The following PRKCH variants were observed in gnomAD, a reference collection of about 807,000 sequenced individuals.
The protein encoded by PRKCH is protein kinase C eta.
A neutral mutation model predicts 82.5 loss-of-function variants in PRKCH; 28 were observed. The observed-to-expected ratio is 0.34, with a 90% confidence interval of 0.25 to 0.47. The LOEUF (loss-of-function observed/expected upper bound fraction) is 0.47. PRKCH is among the 20% of genes least tolerant of loss of function. PRKCH has a pLI of 1.00. For synonymous variants in PRKCH, 322 were observed against 327.4 expected (o/e 0.98, Z 0.18); for missense variants, 705 against 881.8 (o/e 0.80, Z 2.54).
intron 2 of PRKCH, among the ~76,000 whole-genome samples, chr14:61,404,967 A>G (rs1007267818): frequency 6.6e-6 from 1 of 152,070 alleles, no homozygotes; most frequent in African/African-American, 2.4e-5. Flanking sequence ...TACCCTTGTC[A>G]CTTAAGTGAT....
intron 12 of PRKCH, among the ~76,000 whole-genome samples, chr14:61,546,140 T>C (rs986148791): frequency 2.0e-5 from 3 of 152,250 alleles, no homozygotes; most frequent in Non-Finnish European, 4.4e-5. Flanking sequence ...TTCTTTTTTG[T>C]AAGCATTTTC....
chr14:61,210,116 A>ATT, intron 1 of PRKCH, among the ~76,000 whole-genome samples: 1 of 13,560 alleles, frequency 7.4e-5, no homozygotes, highest in Non-Finnish European at 1.2e-4. Flanking sequence ...AAACAAATAT[A>ATT]TATATATATA....
At position 61,529,195 on chromosome 14, in the gene PRKCH, A is replaced by G. The variant is rs1399822781; in HGVS notation, c.1554A>G (p.Pro518=). The part of the protein sequence containing the change: ...GVTTATFCGT[P]DYIAPEILQE... The stretch of plus-strand genomic sequence containing the variant: ...CCACGGCCACATTCTGTGGCACGCC[A>G]GACTATATCGCTCCAGAGGTGAGTG... The change falls in exon 11 of 14, where the codon CCA becomes CCG. Residue 518 remains proline, a synonymous_variant. Coordinates refer to ENST00000332981, the MANE Select transcript of PRKCH (RefSeq NM_006255.5). The G allele has an allele frequency of 6.2e-7, 1 of 1,613,560 alleles. No homozygotes were observed. The highest frequency in any genetic ancestry group is 1.7e-5 in the Admixed American group (1 of 59,968).
chr14:61,520,478 G>A (rs1037736768), intron 10 of PRKCH, among the ~76,000 whole-genome samples: 1 of 151,910 alleles, frequency 6.6e-6, no homozygotes, highest in Non-Finnish European at 1.5e-5. Flanking sequence ...CTTCAACCAG[G>A]CGATAATATT....
intron 2 of PRKCH, among the ~76,000 whole-genome samples, chr14:61,420,685 C>T (rs1882791288): frequency 6.6e-6 from 1 of 152,218 alleles, no homozygotes; most frequent in African/African-American, 2.4e-5. Flanking sequence ...ATGACCACTA[C>T]AGTTAGCCTT....
At chr14:61,489,708 C>T (rs941485166) in intron 10 of PRKCH, among the ~76,000 whole-genome samples, 2 of 152,218 alleles carry the variant, frequency 1.3e-5, no homozygotes, top group African/African-American at 2.4e-5. Context: ...TCCTGGGCTT[C>T]TTGGCCGATT....
At chr14:61,228,385 C>T (rs867558963) in intron 1 of PRKCH, among the ~76,000 whole-genome samples, 14 of 152,180 alleles carry the variant, frequency 9.2e-5, no homozygotes, top group Non-Finnish European at 1.5e-5. Context: ...GCTGACAGCA[C>T]GGAACCTGAG....
At chr14:61,320,524 G>A (rs1186947217), upstream of PRKCH, among the ~76,000 whole-genome samples, 1 of 152,198 alleles carries the variant, frequency 6.6e-6, no homozygotes, top group African/African-American at 2.4e-5. Flanking sequence ...GCTCGAACCT[G>A]GGAGGCGGAG....
intron 1 of PRKCH, among the ~76,000 whole-genome samples, chr14:61,228,887 T>A (rs2044718230): frequency 6.7e-6 from 1 of 150,290 alleles, no homozygotes; most frequent in African/African-American, 2.4e-5. Context: ...TAAAAAAAAT[T>A]TTTTTTAATA....
rs187112967 is a variant in PRKCH at position 61,427,770 on chromosome 14, G to C, written c.428-15341G>C. Among the ~76,000 whole-genome samples the C allele has an allele frequency of 9.0e-4, 137 of 152,038 alleles. 2 individuals carry two copies. The highest frequency in any genetic ancestry group is 3.3e-3 in the African/African-American group (135 of 41,458). On this transcript the variant is annotated intron_variant, in intron 2 of 13. Transcript: ENST00000332981. ...CCCAGCTAATTTTTGTATTTTTGTA[G>C]AGACAGGGTTTCATCATGTTACCCA...
intron 1 of PRKCH, among the ~76,000 whole-genome samples, chr14:61,382,026 C>G (rs997918094): frequency 4.6e-5 from 7 of 152,166 alleles, no homozygotes; most frequent in Non-Finnish European, 8.8e-5. Flanking sequence ...TCCATCTGTG[C>G]AACGGTGATG....
At chr14:61,233,697 T>G (rs1171966368) in intron 1 of PRKCH, among the ~76,000 whole-genome samples, 5 of 152,174 alleles carry the variant, frequency 3.3e-5, no homozygotes, top group East Asian at 1.9e-4. Context: ...TATCACGAGA[T>G]CTGATGGTTT....
intron 7 of PRKCH, among the ~76,000 whole-genome samples, chr14:61,456,398 G>C (rs1042033898): frequency 6.6e-6 from 1 of 152,182 alleles, no homozygotes; most frequent in African/African-American, 2.4e-5. Context: ...TCCTTCTAAT[G>C]GCAGGGGAAT....
At chr14:61,299,137 T>C (rs377765568) in intron 1 of PRKCH, among the ~76,000 whole-genome samples, 2 of 152,126 alleles carry the variant, frequency 1.3e-5, no homozygotes, top group African/African-American at 2.4e-5. Context: ...ATTTACACCA[T>C]GAGAACACAG....
chr14:61,538,316 AC>A (rs2043139318), intron 12 of PRKCH, among the ~76,000 whole-genome samples: 1 of 152,162 alleles, frequency 6.6e-6, no homozygotes, highest in Admixed American at 6.5e-5. Flanking sequence ...TCTTACCAAA[AC>A]CCCTAGTGAG....
At chr14:61,214,617 A>C (rs1380868303) in intron 1 of PRKCH, among the ~76,000 whole-genome samples, 1 of 152,082 alleles carries the variant, frequency 6.6e-6, no homozygotes, top group Non-Finnish European at 1.5e-5. Flanking sequence ...GTACCTGGTG[A>C]GGACTCTTCC....
rs191082046 is a variant in PRKCH, at chr14:61,516,108, A to G, written c.1434-12967A>G. On this transcript the variant is annotated intron_variant, in intron 10 of 13. Transcript: ENST00000332981. ...CCCGTAGCCTCACAATATGCTGCCC[A>G]TTGAAATCAGACAGACAGATGAGAT... Among the ~76,000 whole-genome samples, 397 of 152,272 alleles carry G rather than the reference A, an allele frequency of 2.6e-3. 5 individuals carry two copies. The highest frequency in any genetic ancestry group is 8.4e-3 in the African/African-American group (347 of 41,516).
At chr14:61,241,826 T>C (rs2044840875) in intron 1 of PRKCH, among the ~76,000 whole-genome samples, 1 of 152,226 alleles carries the variant, frequency 6.6e-6, no homozygotes, top group Non-Finnish European at 1.5e-5. Flanking sequence ...CAGTATCTAC[T>C]CTGTGGACTT....
At chr14:61,495,492 T>C (rs556567043) in intron 10 of PRKCH, among the ~76,000 whole-genome samples, 2 of 152,366 alleles carry the variant, frequency 1.3e-5, no homozygotes, top group South Asian at 2.1e-4. Flanking sequence ...AATACAGTCA[T>C]TTAATCTTTA....
Sources: allele counts gnomAD v4.1 joint callset (sites outside exome capture counted in the v4.1 genomes callset), GRCh38; gene constraint gnomAD v4.1.1; transcripts MANE v1.5; gene names NCBI Gene and HGNC (gene_info 2026-07-23, HGNC 2026-07-21).